Variants in YWHAB observed in about 807,000 individuals in gnomAD.
YWHAB encodes 14-3-3 protein beta/alpha.
YWHAB carries 2 observed loss-of-function variants against 28.5 expected under a neutral mutation model. The ratio of observed to expected loss-of-function variants is 0.07; its 90% CI spans 0.03 to 0.22. The LOEUF (loss-of-function observed/expected upper bound fraction) is 0.22, where lower values mean the gene tolerates loss of function less well. Among genes scored for constraint, YWHAB ranks in the 10% least tolerant of loss-of-function variants. The pLI is 1.00. For missense variants in YWHAB, 148 were observed against 297.1 expected, an observed-to-expected ratio of 0.50 and a Z score of 3.69; for synonymous variants, 103 against 104.7, an observed-to-expected ratio of 0.98 and a Z score of 0.10.
intron 1 of YWHAB, among the ~76,000 whole-genome samples, chr20:44,899,739 G>A (rs560414565): frequency 6.6e-6 from 1 of 152,268 alleles, no homozygotes; most frequent in South Asian, 2.1e-4. Context: ...AACTGACTGT[G>A]GTGAGTTGAT....
chr20:44,895,253 G>A (rs1353738349), intron 1 of YWHAB, among the ~76,000 whole-genome samples: 1 of 152,174 alleles, frequency 6.6e-6, no homozygotes, highest in African/African-American at 2.4e-5. Flanking sequence ...TTTCAGACAC[G>A]TTTGAGCATT....
At chr20:44,902,121 T>C (rs1179440676) in intron 2 of YWHAB, 2 of 297,562 alleles carry the variant, frequency 6.7e-6, no homozygotes, top group Admixed American at 9.1e-5. Context: ...TGAGGCCAGA[T>C]AGACAGGATT....
intron 1 of YWHAB, among the ~76,000 whole-genome samples, chr20:44,895,184 T>C (rs1224288550): frequency 6.6e-6 from 1 of 151,608 alleles, no homozygotes; most frequent in Non-Finnish European, 1.5e-5. Flanking sequence ...ATGGGTGGAG[T>C]TCAGATAGGC....
intron 4 of YWHAB, 126 bp downstream of exon 4, chr20:44,905,257 T>A: frequency 1.1e-6 from 1 of 900,312 alleles, no homozygotes. Flanking sequence ...GGTGGGAGTG[T>A]ATCTTTTATG....
chr20:44,904,904 T>G, intron 3 of YWHAB, 64 bp from the exon 4 acceptor site: 3 of 1,464,132 alleles, frequency 2.0e-6, no homozygotes, highest in Non-Finnish European at 2.7e-6. Context: ...AATTTGATAG[T>G]TGGTCCAATG....
intron 5 of YWHAB, 86 bp downstream of exon 5, chr20:44,906,182 C>A: frequency 1.6e-6 from 2 of 1,262,694 alleles, no homozygotes; most frequent in East Asian, 2.3e-5. Flanking sequence ...GGGATTTGTA[C>A]CATTAAATGT....
intron 1 of YWHAB, among the ~76,000 whole-genome samples, chr20:44,890,526 T>TTG (rs2066554664): frequency 6.8e-6 from 1 of 146,062 alleles, no homozygotes; most frequent in African/African-American, 2.5e-5. Flanking sequence ...TTTTTTTTTT[T>TTG]GTGAGATGGA....
intron 1 of YWHAB, among the ~76,000 whole-genome samples, chr20:44,890,056 T>G (rs1161355552): frequency 6.6e-6 from 1 of 152,230 alleles, no homozygotes; most frequent in Non-Finnish European, 1.5e-5. Flanking sequence ...TAGGAATCCC[T>G]GAGTGCTTTG....
intron 1 of YWHAB, chr20:44,886,481 G>T (rs1448842015): frequency 6.6e-6 from 1 of 152,208 alleles, no homozygotes; most frequent in Non-Finnish European, 1.5e-5. Context: ...CCTAGGAAGG[G>T]AATTGGGTTT....
chr20:44,903,931 C>G (rs2066641427), intron 2 of YWHAB, 62 bp from the exon 3 acceptor site: 2 of 1,552,818 alleles, frequency 1.3e-6, no homozygotes, highest in Non-Finnish European at 8.7e-7. Flanking sequence ...TATCTTGAAT[C>G]TCAAACATAG....
chr20:44,902,359 T>A (rs559194299), intron 2 of YWHAB: 1 of 152,938 alleles, frequency 6.5e-6, no homozygotes, highest in African/African-American at 2.4e-5. Flanking sequence ...CTCTCCTGTA[T>A]TTTACATAAA....
intron 1 of YWHAB, among the ~76,000 whole-genome samples, chr20:44,900,070 CA>C (rs1379402653): frequency 6.6e-6 from 1 of 150,892 alleles, no homozygotes; most frequent in African/African-American, 2.4e-5. Context: ...TTTTTAGAGA[CA>C]GGGGTCTCAG....
intron 4 of YWHAB, 64 bp downstream of exon 4, chr20:44,905,195 T>G (rs1446961383): frequency 2.0e-6 from 3 of 1,509,100 alleles, no homozygotes; most frequent in Non-Finnish European, 1.8e-6. Flanking sequence ...TAACTTCATT[T>G]TATTCCTGAA....
intron 1 of YWHAB, among the ~76,000 whole-genome samples, chr20:44,891,096 A>C (rs1291331222): frequency 6.6e-6 from 1 of 151,386 alleles, no homozygotes; most frequent in Admixed American, 6.6e-5. Context: ...TACTCCTTAC[A>C]GGAACCCTAG....
intron 1 of YWHAB, among the ~76,000 whole-genome samples, chr20:44,900,832 G>A (rs1203656440): frequency 6.6e-6 from 1 of 152,152 alleles, no homozygotes; most frequent in African/African-American, 2.4e-5. Flanking sequence ...CTGGAGTCCA[G>A]TGGCGTGATC....
At chr20:44,897,401 C>T (rs1427026622) in intron 1 of YWHAB, among the ~76,000 whole-genome samples, 1 of 152,182 alleles carries the variant, frequency 6.6e-6, no homozygotes, top group Non-Finnish European at 1.5e-5. Flanking sequence ...CTCTAAGTGA[C>T]TTCTAACTTT....
chr20:44,904,719 G>T (rs1232614555), intron 3 of YWHAB, among the ~76,000 whole-genome samples: 1 of 152,156 alleles, frequency 6.6e-6, no homozygotes, highest in Non-Finnish European at 1.5e-5. Flanking sequence ...ATTGTTAAAG[G>T]TTATAGCTGT....
chr20:44,888,216 T>G (rs1272451839), intron 1 of YWHAB, among the ~76,000 whole-genome samples: 1 of 152,244 alleles, frequency 6.6e-6, no homozygotes, highest in Non-Finnish European at 1.5e-5. Context: ...ATGCTATTCA[T>G]GGACATTTAT....
At chr20:44,905,355 A>G in intron 4 of YWHAB, 1 of 421,072 alleles carries the variant, frequency 2.4e-6, no homozygotes, top group Non-Finnish European at 4.2e-6. Flanking sequence ...GGGTGGTTGT[A>G]GAAAGTTCCA....
Sources: allele counts gnomAD v4.1 joint callset (sites outside exome capture counted in the v4.1 genomes callset), GRCh38; gene constraint gnomAD v4.1.1; transcripts MANE v1.5; gene names NCBI Gene and HGNC (gene_info 2026-07-23, HGNC 2026-07-21).